NOL4: variants seen among roughly 807,000 people sequenced by gnomAD.
NOL4 encodes the protein cancer/testis antigen 125.
Under a neutral mutation model 75.9 loss-of-function variants are expected in NOL4, and 17 were observed. The observed-to-expected ratio is 0.22, with a 90% CI of 0.15 to 0.34. NOL4 has a LOEUF of 0.34. Ranked by LOEUF, NOL4 falls within the 10% of genes least tolerant of loss-of-function variation. The pLI, the probability that NOL4 is intolerant of heterozygous loss-of-function variation, is 1.00. For synonymous variants in NOL4, 292 were observed against 289.9 expected (o/e 1.01, Z -0.07); for missense variants, 614 against 793.5 (o/e 0.77, Z 2.72).
intron 1 of NOL4, among the ~76,000 whole-genome samples, chr18:34,160,053 T>G (rs2031213595): frequency 6.6e-6 from 1 of 152,166 alleles, no homozygotes; most frequent in Non-Finnish European, 1.5e-5. Flanking sequence ...TGAATCCTGT[T>G]TTTATTTACT....
intron 6 of NOL4, among the ~76,000 whole-genome samples, chr18:33,967,791 A>G (rs2070723033): frequency 6.6e-6 from 1 of 152,324 alleles, no homozygotes; most frequent in Non-Finnish European, 1.5e-5. Context: ...GGCTATTATT[A>G]AAAAGTCAAA....
intron 1 of NOL4, among the ~76,000 whole-genome samples, chr18:34,167,734 A>T (rs4462680): frequency 0.5 from 75,821 of 151,730 alleles, 19,018 homozygotes; most frequent in Admixed American, 0.56. Flanking sequence ...AAACTAGAGC[A>T]GAGGCCTATC....
intron 1 of NOL4, among the ~76,000 whole-genome samples, chr18:34,204,133 A>G (rs1340777017): frequency 6.6e-6 from 1 of 152,038 alleles, no homozygotes; most frequent in East Asian, 1.9e-4. Context: ...TGCATATAAA[A>G]TACACATATA....
intron 6 of NOL4, among the ~76,000 whole-genome samples, chr18:34,000,647 T>A (rs1456361352): frequency 6.6e-6 from 1 of 152,138 alleles, no homozygotes; most frequent in Non-Finnish European, 1.5e-5. Flanking sequence ...TCTTGAGACC[T>A]GGTGATATTC....
At chr18:33,936,495 G>T (rs529699041) in intron 9 of NOL4, among the ~76,000 whole-genome samples, 1 of 150,686 alleles carries the variant, frequency 6.6e-6, no homozygotes, top group East Asian at 2.0e-4. Context: ...TACACCACAG[G>T]TAAGTAACGT....
intron 6 of NOL4, among the ~76,000 whole-genome samples, chr18:33,959,986 A>G (rs915060354): frequency 5.9e-5 from 9 of 151,964 alleles, no homozygotes; most frequent in Admixed American, 2.0e-4. Context: ...TATAATTGAA[A>G]GAACATAAAA....
chr18:34,170,281 G>A (rs1363416297), intron 1 of NOL4, among the ~76,000 whole-genome samples: 2 of 151,818 alleles, frequency 1.3e-5, no homozygotes, highest in South Asian at 2.1e-4. Context: ...GGGTTGAAGC[G>A]ATTCTCCTGC....
At chr18:33,987,208 T>A (rs1481649705) in intron 6 of NOL4, among the ~76,000 whole-genome samples, 3 of 152,072 alleles carry the variant, frequency 2.0e-5, no homozygotes, top group Non-Finnish European at 4.4e-5. Context: ...AAAGCTAGAC[T>A]GAAAAATAAC....
At chr18:33,923,339 CAGAAT>C (rs1392510612) in intron 9 of NOL4, among the ~76,000 whole-genome samples, 3 of 151,936 alleles carry the variant, frequency 2.0e-5, no homozygotes, top group African/African-American at 7.2e-5. Context: ...GTGTTTTAAG[CAGAAT>C]TATCATAGAT....
At chr18:33,864,021 T>G (rs1340718594) in intron 10 of NOL4, among the ~76,000 whole-genome samples, 1 of 152,222 alleles carries the variant, frequency 6.6e-6, no homozygotes, top group Non-Finnish European at 1.5e-5. Flanking sequence ...GCTGAACCTT[T>G]ACCTTGGCCC....
At chr18:33,920,149 G>C (rs904067196) in intron 9 of NOL4, among the ~76,000 whole-genome samples, 11 of 151,890 alleles carry the variant, frequency 7.2e-5, no homozygotes, top group Non-Finnish European at 5.9e-5. Context: ...TTTTTATATA[G>C]TATGTATGAG....
chr18:34,010,465 T>C (rs887200961), intron 6 of NOL4, among the ~76,000 whole-genome samples: 1 of 151,940 alleles, frequency 6.6e-6, no homozygotes, highest in African/African-American at 2.4e-5. Context: ...TAAACATGGA[T>C]GTACAGCTAG....
chr18:33,874,359 T>C (rs2063834677), intron 10 of NOL4, among the ~76,000 whole-genome samples: 1 of 151,954 alleles, frequency 6.6e-6, no homozygotes, highest in African/African-American at 2.4e-5. Context: ...TCTAAAATGT[T>C]TGATATGAAA....
At chr18:34,186,537 C>G (rs1312142695) in intron 1 of NOL4, among the ~76,000 whole-genome samples, 1 of 152,158 alleles carries the variant, frequency 6.6e-6, no homozygotes, top group Non-Finnish European at 1.5e-5. Context: ...TAAATCTTAG[C>G]TTCCATTACT....
At chr18:34,069,955 C>T (rs939490531) in intron 5 of NOL4, among the ~76,000 whole-genome samples, 1 of 152,244 alleles carries the variant, frequency 6.6e-6, no homozygotes, top group Non-Finnish European at 1.5e-5. Context: ...TAAGATACCC[C>T]AGTTCTAGGT....
chr18:34,173,416 T>G (rs1289449068), intron 1 of NOL4, among the ~76,000 whole-genome samples: 1 of 152,130 alleles, frequency 6.6e-6, no homozygotes, highest in Non-Finnish European at 1.5e-5. Flanking sequence ...TACATAAAAA[T>G]GTTATCTATG....
intron 5 of NOL4, among the ~76,000 whole-genome samples, chr18:34,030,243 A>G (rs1392841014): frequency 6.6e-6 from 1 of 152,260 alleles, no homozygotes; most frequent in Non-Finnish European, 1.5e-5. Flanking sequence ...TTTAAAGGAT[A>G]CATGCAAAGA....
intron 9 of NOL4, among the ~76,000 whole-genome samples, chr18:33,923,933 C>T (rs1409525718): frequency 6.6e-6 from 1 of 152,066 alleles, no homozygotes; most frequent in East Asian, 1.9e-4. Context: ...GTGGATGGTG[C>T]CACTAGTACT....
chr18:34,115,425 G>C (rs1052881812), intron 2 of NOL4, among the ~76,000 whole-genome samples: 1 of 152,052 alleles, frequency 6.6e-6, no homozygotes, highest in Non-Finnish European at 1.5e-5. Flanking sequence ...CAGCCTCCTT[G>C]ACTAGCTGGA....
Sources: allele counts gnomAD v4.1 joint callset (sites outside exome capture counted in the v4.1 genomes callset), GRCh38; gene constraint gnomAD v4.1.1; transcripts MANE v1.5; gene names NCBI Gene and HGNC (gene_info 2026-07-23, HGNC 2026-07-21).